FBXO25: variants seen among roughly 807,000 people sequenced by gnomAD.
FBXO25 encodes the protein F-box protein 25.
Under a neutral mutation model 51.9 loss-of-function variants are expected in FBXO25, and 45 were observed. That is an observed-to-expected ratio of 0.87 (90% CI 0.68 to 1.11). The LOEUF (loss-of-function observed/expected upper bound fraction) is 1.11, where lower values mean the gene tolerates loss of function less well. FBXO25 is among the 50% of genes most tolerant of loss of function. FBXO25 has a pLI of 0.00. For synonymous variants in FBXO25, 199 were observed against 151.0 expected (o/e 1.32, Z -2.33); for missense variants, 507 against 428.5 (o/e 1.18, Z -1.62).
At chr8:448,782 G>A (rs1216609517) in intron 5 of FBXO25, among the ~76,000 whole-genome samples, 1 of 152,198 alleles carries the variant, frequency 6.6e-6, no homozygotes, top group East Asian at 1.9e-4. Context: ...TTGTAGAGGA[G>A]AGGGATGGAA....
chr8:452,511 G>C (rs1336300603), intron 7 of FBXO25, among the ~76,000 whole-genome samples: 1 of 152,242 alleles, frequency 6.6e-6, no homozygotes, highest in Non-Finnish European at 1.5e-5. Flanking sequence ...GAGTGGCGAG[G>C]CCACATGGCC....
chr8:416,757 A>G (rs190561870), intron 2 of FBXO25, among the ~76,000 whole-genome samples: 4 of 152,232 alleles, frequency 2.6e-5, no homozygotes, highest in African/African-American at 4.8e-5. Context: ...TCCACAATAT[A>G]TTAAGGATTT....
intron 5 of FBXO25, among the ~76,000 whole-genome samples, chr8:436,838 C>T (rs1237764145): frequency 6.6e-6 from 1 of 152,146 alleles, no homozygotes; most frequent in Non-Finnish European, 1.5e-5. Context: ...AATTCTTGAC[C>T]ATCTGTCTAC....
chr8:469,537 T>C lies in FBXO25; in HGVS notation c.*733T>C, dbSNP rs1466304363. 6.6e-6 allele frequency: 1 copy of C among 152,236 alleles called. No individual in the cohort carries two copies. Among genetic ancestry groups the C allele is most frequent in the East Asian group, 1.9e-4 (1 of 5,198 alleles). The allele number at this position is 152,236 out of a possible 1,614,324, so 9.4% of individuals were successfully genotyped here. A position where few individuals can be genotyped will look rare whatever the true frequency, so the allele number is the denominator to read the frequency against. On this transcript the variant is annotated 3_prime_UTR_variant, in exon 10 of 10. Coordinates refer to ENST00000350302, the MANE Select transcript of FBXO25 (RefSeq NM_183420.2). ...AACTTCAATTGTGTTGAAACTACTT[T>C]AATAGACAAAGTAATAAATCATGTT... is the stretch of plus-strand genomic sequence containing the variant.
At chr8:416,179 C>T (rs1030518996) in intron 2 of FBXO25, among the ~76,000 whole-genome samples, 1 of 152,212 alleles carries the variant, frequency 6.6e-6, no homozygotes, top group Non-Finnish European at 1.5e-5. Context: ...GGCCCCCATG[C>T]GGCCCACAGC....
intron 1 of FBXO25, chr8:407,521 G>A (rs1466343526): frequency 1.1e-5 from 9 of 853,924 alleles, no homozygotes; most frequent in East Asian, 2.5e-4. Flanking sequence ...GTCCTCAGCC[G>A]CTTCCCCTGC....
chr8:410,065 T>A (rs781177693), intron 1 of FBXO25, among the ~76,000 whole-genome samples: 1 of 152,178 alleles, frequency 6.6e-6, no homozygotes, highest in Non-Finnish European at 1.5e-5. Flanking sequence ...TCATTTAAGA[T>A]CTAACCATGC....
At chr8:436,205 T>A (rs2117661025) in intron 5 of FBXO25, among the ~76,000 whole-genome samples, 1 of 152,356 alleles carries the variant, frequency 6.6e-6, no homozygotes, top group Non-Finnish European at 1.5e-5. Context: ...AAGAAATTTT[T>A]ATCTTGGGCC....
At chr8:430,034 G>A (rs1176119201) in intron 2 of FBXO25, among the ~76,000 whole-genome samples, 1 of 152,246 alleles carries the variant, frequency 6.6e-6, no homozygotes, top group African/African-American at 2.4e-5. Context: ...ATGCTCACAT[G>A]TTGGAGCTAA....
In FBXO25 at chr8:475,929, C is replaced by T. The variant is rs1800628244; in HGVS notation, c.*7125C>T. ...TCTAAGACTCCAGTACTGTGTTAAA[C>T]AGAAGTGGTGAGACAGGGTATTTCT... On this transcript the variant is annotated 3_prime_UTR_variant, in exon 10 of 10. Coordinates refer to ENST00000350302, the MANE Select transcript of FBXO25 (RefSeq NM_183420.2). 6.6e-6 allele frequency: 1 copy of T among 152,244 alleles called. No individual in the cohort carries two copies. Among genetic ancestry groups the T allele is most frequent in the Non-Finnish European group, 1.5e-5 (1 of 67,998 alleles). The allele number at this position is 152,244 out of a possible 1,614,324, so 9.4% of individuals were successfully genotyped here. A position where few individuals can be genotyped will look rare whatever the true frequency, so the allele number is the denominator to read the frequency against.
chr8:449,835 A>G (rs1339361381), intron 5 of FBXO25, among the ~76,000 whole-genome samples, 155 bp from the exon 6 acceptor site: 1 of 152,226 alleles, frequency 6.6e-6, no homozygotes, highest in Admixed American at 6.5e-5. Context: ...TTGCATGGGT[A>G]GTGACTGTTT....
chr8:461,894 A>G (rs1265537744), intron 8 of FBXO25, among the ~76,000 whole-genome samples: 1 of 152,216 alleles, frequency 6.6e-6, no homozygotes, highest in Admixed American at 6.5e-5. Flanking sequence ...TTATCCATTC[A>G]TCAGTTGATT....
chr8:435,011 C>T (rs145165679), intron 4 of FBXO25, among the ~76,000 whole-genome samples: 12,181 of 152,218 alleles, frequency 0.08, 617 homozygotes, highest in African/African-American at 0.14. Context: ...CTTCAGCCCT[C>T]TCCATCCCAA....
chr8:439,178 A>G (rs903360635), intron 5 of FBXO25, among the ~76,000 whole-genome samples: 2 of 152,146 alleles, frequency 1.3e-5, no homozygotes, highest in African/African-American at 4.8e-5. Context: ...GTTTTTACAC[A>G]TTTGTTATCA....
rs1300551196 is a variant in FBXO25 at position 473,331 on chromosome 8, G to T, written c.*4527G>T. ...AAGCCCTGGCTCACAGCATGAGACA[G>T]TGTGTTCTAGGTGGTAACGTGGCAC... On this transcript the variant is annotated 3_prime_UTR_variant, in exon 10 of 10. Coordinates refer to ENST00000350302, the MANE Select transcript of FBXO25 (RefSeq NM_183420.2). 2 of 152,316 alleles carry T rather than the reference G, an allele frequency of 1.3e-5. No homozygotes were observed. The highest frequency in any genetic ancestry group is 2.9e-5 in the Non-Finnish European group (2 of 68,148). 9.4% of individuals were successfully genotyped at this position (152,316 alleles called of 1,614,324 possible).
chr8:470,722 A>C lies in FBXO25; in HGVS notation c.*1918A>C, dbSNP rs1800458220. Reference sequence around the variant, plus strand: ...CTAATCTAGGAAAGGGAGTAAGTACATTGAGTTTCCATTATCCCTGAAGCA... The same window carrying C: ...CTAATCTAGGAAAGGGAGTAAGTACCTTGAGTTTCCATTATCCCTGAAGCA... On this transcript the variant is annotated 3_prime_UTR_variant, in exon 10 of 10. Transcript: ENST00000350302. The C allele has an allele frequency of 6.6e-6, 1 of 152,210 alleles. No homozygotes were observed. The highest frequency in any genetic ancestry group is 6.5e-5 in the Admixed American group (1 of 15,272). 9.4% of individuals were successfully genotyped at this position (152,210 alleles called of 1,614,324 possible).
At chr8:463,213 C>A in intron 9 of FBXO25, 63 bp downstream of exon 9, 1 of 1,547,240 alleles carries the variant, frequency 6.5e-7, no homozygotes, top group South Asian at 1.2e-5. Flanking sequence ...AACTAATCAC[C>A]TATATTTTAA....
intron 2 of FBXO25, among the ~76,000 whole-genome samples, chr8:420,181 C>A (rs1228544746): frequency 6.6e-6 from 1 of 152,102 alleles, no homozygotes; most frequent in Admixed American, 6.5e-5. Context: ...AATGAGACTG[C>A]CACAGTGGGC....
intron 1 of FBXO25, among the ~76,000 whole-genome samples, chr8:411,942 A>G (rs997618852): frequency 1.3e-5 from 2 of 152,180 alleles, no homozygotes; most frequent in African/African-American, 4.8e-5. Context: ...AAATATTCAT[A>G]TTTAACTGAA....
Sources: gnomAD v4.1 joint callset for allele counts (sites outside exome capture counted in the v4.1 genomes callset) on GRCh38, gnomAD v4.1.1 for gene constraint, MANE v1.5 for transcripts, NCBI Gene and HGNC (gene_info 2026-07-23, HGNC 2026-07-21) for gene names.